Variants in SLC44A5 observed in about 807,000 individuals in gnomAD.
SLC44A5 encodes the protein solute carrier family 44 member 5.
Under a neutral mutation model 101.8 loss-of-function variants are expected in SLC44A5, and 57 were observed. That is an observed-to-expected ratio of 0.56 (90% CI 0.45 to 0.70). The LOEUF (loss-of-function observed/expected upper bound fraction) is 0.70, where lower values mean the gene tolerates loss of function less well. Ranked by LOEUF, SLC44A5 falls within the 30% of genes least tolerant of loss-of-function variation. SLC44A5 has a pLI of 0.00. For synonymous variants in SLC44A5, 281 were observed against 290.9 expected (o/e 0.97, Z 0.35); for missense variants, 737 against 853.1 (o/e 0.86, Z 1.70).
intron 2 of SLC44A5, among the ~76,000 whole-genome samples, chr1:75,430,082 A>G (rs949654748): frequency 4.6e-5 from 7 of 152,154 alleles, no homozygotes; most frequent in Admixed American, 1.3e-4. Flanking sequence ...GTGTCCCCCA[A>G]CATTTATGTG....
intron 1 of SLC44A5, among the ~76,000 whole-genome samples, chr1:75,567,415 G>A (rs146504527): frequency 6.6e-6 from 1 of 152,262 alleles, no homozygotes; most frequent in African/African-American, 2.4e-5. Flanking sequence ...TATGAGCAAT[G>A]ACATCATTGT....
At chr1:75,668,689 C>T in the SLC44A5 span, among the ~76,000 whole-genome samples, 23 of 151,478 alleles carry the variant, frequency 1.5e-4, no homozygotes, top group South Asian at 2.5e-3. Flanking sequence ...GAACATTTGA[C>T]TGTGTGAAGA....
intron 3 of SLC44A5, among the ~76,000 whole-genome samples, chr1:75,345,658 G>A (rs886893750): frequency 6.6e-6 from 1 of 152,108 alleles, no homozygotes; most frequent in African/African-American, 2.4e-5. Context: ...ACCATACTTA[G>A]AGGAAAGAAT....
chr1:75,238,460 G>T, intron 10 of SLC44A5, 53 bp downstream of exon 10: 1 of 1,449,144 alleles, frequency 6.9e-7, no homozygotes, highest in South Asian at 1.4e-5. Context: ...CTTTAGTCTC[G>T]AGTGCAATAA....
the SLC44A5 span, among the ~76,000 whole-genome samples, chr1:75,698,009 C>T: frequency 2.0e-5 from 3 of 152,176 alleles, no homozygotes; most frequent in Non-Finnish European, 4.4e-5. Flanking sequence ...CCTATGCCCA[C>T]GGAGTCTCAC....
At chr1:75,524,245 T>C (rs971060118) in intron 2 of SLC44A5, among the ~76,000 whole-genome samples, 5 of 152,212 alleles carry the variant, frequency 3.3e-5, no homozygotes, top group African/African-American at 4.8e-5. Flanking sequence ...ATGTGCTTGC[T>C]TCCCCTTCAC....
At chr1:75,657,823 A>G in the SLC44A5 span, among the ~76,000 whole-genome samples, 1 of 152,118 alleles carries the variant, frequency 6.6e-6, no homozygotes, top group Non-Finnish European at 1.5e-5. Context: ...ATACAACAAT[A>G]GTAAAGGACT....
At chr1:75,316,170 T>C (rs1249666) in intron 4 of SLC44A5, among the ~76,000 whole-genome samples, 20,052 of 152,216 alleles carry the variant, frequency 0.13, 2,198 homozygotes, top group African/African-American at 0.3. Context: ...CTGCTCAAAA[T>C]TACTTTTTAT....
chr1:75,394,368 T>C (rs1182581253), intron 3 of SLC44A5, among the ~76,000 whole-genome samples: 1 of 152,100 alleles, frequency 6.6e-6, no homozygotes, highest in Non-Finnish European at 1.5e-5. Flanking sequence ...AGGAGAAAAG[T>C]GGAGTCAATG....
At chr1:75,524,703 G>A (rs1670322825) in intron 2 of SLC44A5, among the ~76,000 whole-genome samples, 1 of 152,066 alleles carries the variant, frequency 6.6e-6, no homozygotes, top group Admixed American at 6.6e-5. Flanking sequence ...ATGATATGTA[G>A]TCAGCAAAAA....
At chr1:75,302,125 T>TG (rs1264431438) in intron 4 of SLC44A5, among the ~76,000 whole-genome samples, 49 of 140,494 alleles carry the variant, frequency 3.5e-4, no homozygotes, top group Non-Finnish European at 6.3e-4. Context: ...TTTTTTTTTT[T>TG]TTTTTTTTTT....
chr1:75,447,395 C>T (rs750683547), intron 2 of SLC44A5, among the ~76,000 whole-genome samples: 73 of 152,016 alleles, frequency 4.8e-4, no homozygotes, highest in Non-Finnish European at 8.7e-4. Context: ...ATTTTACCTA[C>T]TTCTAGCTTC....
chr1:75,495,016 C>T (rs1668596362), intron 2 of SLC44A5, among the ~76,000 whole-genome samples: 1 of 152,144 alleles, frequency 6.6e-6, no homozygotes, highest in African/African-American at 2.4e-5. Flanking sequence ...CACCCAGAAT[C>T]TCTGAAGACT....
At chr1:75,661,641 G>A in the SLC44A5 span, among the ~76,000 whole-genome samples, 9 of 151,338 alleles carry the variant, frequency 5.9e-5, no homozygotes, top group African/African-American at 2.2e-4. Context: ...ACTATATAAG[G>A]AACTCAAACA....
intron 1 of SLC44A5, among the ~76,000 whole-genome samples, chr1:75,548,095 C>G (rs1028789306): frequency 6.6e-6 from 1 of 151,982 alleles, no homozygotes; most frequent in Non-Finnish European, 1.5e-5. Context: ...TCATAAAATC[C>G]AGATTCTGCA....
At chr1:75,684,717 T>G in the SLC44A5 span, among the ~76,000 whole-genome samples, 3 of 152,200 alleles carry the variant, frequency 2.0e-5, no homozygotes, top group Non-Finnish European at 4.4e-5. Context: ...CCCCTGTGGC[T>G]CTGCAGAGTA....
At chr1:75,551,919 G>A (rs929668860) in intron 1 of SLC44A5, among the ~76,000 whole-genome samples, 78 of 152,034 alleles carry the variant, frequency 5.1e-4, no homozygotes, top group Non-Finnish European at 2.1e-4. Context: ...CAGATGAACT[G>A]AAATGATCCT....
chr1:75,486,831 T>C (rs1668177405), intron 2 of SLC44A5, among the ~76,000 whole-genome samples: 1 of 152,252 alleles, frequency 6.6e-6, no homozygotes, highest in Admixed American at 6.5e-5. Context: ...TTCTGAATCC[T>C]ACTGTTCTTG....
intron 2 of SLC44A5, among the ~76,000 whole-genome samples, chr1:75,470,889 C>G (rs1002950405): frequency 6.6e-6 from 1 of 152,096 alleles, no homozygotes; most frequent in Non-Finnish European, 1.5e-5. Flanking sequence ...GGATAGCTAC[C>G]AGAGGCATCT....
Sources: allele counts gnomAD v4.1 joint callset (sites outside exome capture counted in the v4.1 genomes callset), GRCh38; gene constraint gnomAD v4.1.1; transcripts MANE v1.5; gene names NCBI Gene and HGNC (gene_info 2026-07-23, HGNC 2026-07-21).